The following CCDC90B variants were observed in gnomAD, a reference collection of about 807,000 sequenced individuals.
The protein encoded by CCDC90B is coiled-coil domain-containing protein 90B, mitochondrial.
A neutral mutation model predicts 37.0 loss-of-function variants in CCDC90B; 24 were observed. The ratio of observed to expected loss-of-function variants is 0.65; its 90% CI spans 0.47 to 0.91. The LOEUF is 0.91. Ranked by LOEUF, CCDC90B falls within the 40% of genes least tolerant of loss-of-function variation. The pLI is 0.00. For synonymous variants in CCDC90B, 113 were observed against 101.1 expected, an observed-to-expected ratio of 1.12 and a Z score of -0.71; for missense variants, 319 against 299.0, an observed-to-expected ratio of 1.07 and a Z score of -0.49.
chr11:83,274,007 G>A lies in CCDC90B; in HGVS notation c.427-15C>T. 1.3e-6 allele frequency: 2 copies of A among 1,524,184 alleles called. 1 individual carries two copies. Among genetic ancestry groups the A allele is most frequent in the Middle Eastern group, 3.5e-4 (2 of 5,684 alleles). The allele number at this position is 1,524,184 out of a possible 1,614,324, so 94.4% of individuals were successfully genotyped here. ...ATTTTCATTTTCTAGGTACAGGAAA[G>A]ATCACATGCAATTAGCATTAAACCA... On this transcript the variant is annotated splice_polypyrimidine_tract_variant and intron_variant, in intron 4 of 8. Coordinates refer to ENST00000529689, the MANE Select transcript of CCDC90B (RefSeq NM_021825.5).
rs1332178776 is a variant in CCDC90B at position 83,286,159 on chromosome 11, C to T, written c.-187G>A. 7 of 1,536,170 alleles carry T rather than the reference C, an allele frequency of 4.6e-6. No homozygotes were observed. The highest frequency in any genetic ancestry group is 6.1e-6 in the Non-Finnish European group (7 of 1,146,886). On this transcript the variant is annotated 5_prime_UTR_variant, in exon 1 of 9. It adds an upstream start codon to the 5' untranslated region. Coordinates refer to ENST00000529689, the MANE Select transcript of CCDC90B (RefSeq NM_021825.5). Reference sequence around the variant, plus strand: ...CTGGGTCTCTTCACAGACAGACCCACAGTTCGCGAGCATGGCTCAGCGCTG... The same window carrying T: ...CTGGGTCTCTTCACAGACAGACCCATAGTTCGCGAGCATGGCTCAGCGCTG...
chr11:83,267,517 G>A (rs1329419421), intron 7 of CCDC90B: 1 of 152,134 alleles, frequency 6.6e-6, no homozygotes, highest in East Asian at 1.9e-4. Context: ...AGGTACCAGT[G>A]ACTGAAGATC....
intron 1 of CCDC90B, chr11:83,285,635 GC>G: frequency 7.3e-7 from 1 of 1,369,064 alleles, no homozygotes; most frequent in Non-Finnish European, 9.4e-7. Context: ...CGGGCGCGAA[GC>G]CCAGGCCTTC....
At chr11:83,270,510 A>T (rs1304517561) in intron 7 of CCDC90B, among the ~76,000 whole-genome samples, 3 of 152,218 alleles carry the variant, frequency 2.0e-5, no homozygotes, top group African/African-American at 7.2e-5. Context: ...CCATTAACAG[A>T]CAAACAGAGT....
At position 83,273,788 on chromosome 11, in the gene CCDC90B, A is replaced by T. The variant is rs1472722402; in HGVS notation, c.540+5T>A. On this transcript the variant is annotated splice_donor_5th_base_variant and intron_variant, in intron 6 of 8. Transcript: ENST00000529689. ...ACCAAGAAAGTACATTTAAAAGAAC[A>T]TTACCATATCTGTTACTCTGCTCCT... 1 of 1,606,422 alleles carries T rather than the reference A, an allele frequency of 6.2e-7. No individual in the cohort carries two copies. Among genetic ancestry groups the T allele is most frequent in the Non-Finnish European group, 8.5e-7 (1 of 1,176,386 alleles).
chr11:83,275,196 C>T (rs1017524686), intron 3 of CCDC90B, among the ~76,000 whole-genome samples: 7 of 152,072 alleles, frequency 4.6e-5, no homozygotes, highest in Non-Finnish European at 7.4e-5. Context: ...GCCCTTTGTC[C>T]GCACAACATA....
intron 7 of CCDC90B, 44 bp downstream of exon 7, chr11:83,273,603 G>T: frequency 7.0e-7 from 1 of 1,424,796 alleles, no homozygotes; most frequent in Non-Finnish European, 9.6e-7. Flanking sequence ...GTTATACAAG[G>T]CACAAGAACT....
At chr11:83,272,741 A>G (rs1010759615) in intron 7 of CCDC90B, among the ~76,000 whole-genome samples, 1 of 152,230 alleles carries the variant, frequency 6.6e-6, no homozygotes, top group African/African-American at 2.4e-5. Context: ...CTTCTCTTCT[A>G]TTAAATTATG....
At chr11:83,281,811 A>T (rs1425356948) in intron 1 of CCDC90B, among the ~76,000 whole-genome samples, 1 of 152,058 alleles carries the variant, frequency 6.6e-6, no homozygotes, top group Non-Finnish European at 1.5e-5. Flanking sequence ...TTTAAATAAT[A>T]TTTTACTGTT....
intron 1 of CCDC90B, chr11:83,285,152 AAC>A: frequency 7.8e-7 from 1 of 1,275,074 alleles, no homozygotes; most frequent in Non-Finnish European, 1.0e-6. Flanking sequence ...CAAGAAGGTG[AAC>A]AGAGATAAGA....
chr11:83,270,517 G>A lies in CCDC90B; in HGVS notation c.594+3130C>T, dbSNP rs143923593. Among the ~76,000 whole-genome samples, 73 of 152,282 alleles carry A rather than the reference G, an allele frequency of 4.8e-4. 1 individual carries two copies. In the East Asian group the frequency reaches 0.014, roughly 29 times the overall value. On this transcript the variant is annotated intron_variant, in intron 7 of 8. Transcript: ENST00000529689. ...CCTATACACCATTAACAGACAAACAGAGTCAAATCATGAGTGAACTCCCAT... is the reference window on the plus strand; with the variant it reads ...CCTATACACCATTAACAGACAAACAAAGTCAAATCATGAGTGAACTCCCAT...
At position 83,278,833 on chromosome 11, in the gene CCDC90B, T is replaced by C. The variant is rs372037684; in HGVS notation, c.221-4A>G. ...TCTGCTTGTGTTTTGTCAAATCCTGTAGGCAGCAAATAGGTATTTTATTTT... is the reference window on the plus strand; with the variant it reads ...TCTGCTTGTGTTTTGTCAAATCCTGCAGGCAGCAAATAGGTATTTTATTTT... On this transcript the variant is annotated splice_region_variant and splice_polypyrimidine_tract_variant and intron_variant, in intron 2 of 8. Transcript: ENST00000529689. The C allele has an allele frequency of 6.3e-7, 1 of 1,593,946 alleles. No homozygotes were observed. The highest frequency in any genetic ancestry group is 8.6e-7 in the Non-Finnish European group (1 of 1,162,228).
rs185818476 is a variant in CCDC90B, at chr11:83,266,602, G to A, written c.595-623C>T. On this transcript the variant is annotated intron_variant, in intron 7 of 8. Coordinates refer to ENST00000529689, the MANE Select transcript of CCDC90B (RefSeq NM_021825.5). ...TGAGTAGGTAAACAAAGTGGCAGGG[G>A]AGCTTGAACTGGGCTGAGCCCACCA... Among the ~76,000 whole-genome samples the A allele has an allele frequency of 3.3e-5, 5 of 152,270 alleles. No individual in the cohort carries two copies. In the East Asian group the frequency reaches 9.7e-4, roughly 29 times the overall value.
intron 7 of CCDC90B, among the ~76,000 whole-genome samples, chr11:83,271,174 G>A (rs996433196): frequency 2.0e-5 from 3 of 152,172 alleles, no homozygotes; most frequent in African/African-American, 7.2e-5. Flanking sequence ...AAAAACCCTA[G>A]AAGAAAACTT....
At chr11:83,275,691 T>TCA (rs1272642108) in intron 3 of CCDC90B, among the ~76,000 whole-genome samples, 1 of 152,162 alleles carries the variant, frequency 6.6e-6, no homozygotes, top group Non-Finnish European at 1.5e-5. Context: ...GGACTCTGTA[T>TCA]AACAGTTTAG....
In CCDC90B at chr11:83,261,879, A is replaced by G; in HGVS notation, c.*32T>C. 1.3e-6 allele frequency: 2 copies of G among 1,534,588 alleles called. No homozygotes were observed. Among genetic ancestry groups the G allele is most frequent in the Middle Eastern group, 1.7e-4 (1 of 5,844 alleles). ...TCTCTCCCGGTTTGGTGTTCTAAGA[A>G]GCCAACAGCCACAGCAGGATGAGCA... On this transcript the variant is annotated 3_prime_UTR_variant, in exon 9 of 9. Coordinates refer to ENST00000529689, the MANE Select transcript of CCDC90B (RefSeq NM_021825.5).
At chr11:83,279,191 G>T (rs1865229176) in intron 2 of CCDC90B, among the ~76,000 whole-genome samples, 1 of 152,116 alleles carries the variant, frequency 6.6e-6, no homozygotes, top group African/African-American at 2.4e-5. Flanking sequence ...TGAGGCAGGA[G>T]AATGGTGTGA....
At position 83,261,856 on chromosome 11, in the gene CCDC90B, T is replaced by C. The variant is rs1333803918; in HGVS notation, c.*55A>G. ...CAACTGACAATGTTCAAAGTAAATC[T>C]CTCCCGGTTTGGTGTTCTAAGAAGC... On this transcript the variant is annotated 3_prime_UTR_variant, in exon 9 of 9. Coordinates refer to ENST00000529689, the MANE Select transcript of CCDC90B (RefSeq NM_021825.5). 6.3e-6 allele frequency: 8 copies of C among 1,279,586 alleles called. No homozygotes were observed. The highest frequency in any genetic ancestry group is 8.9e-6 in the Non-Finnish European group (8 of 899,234). The allele number at this position is 1,279,586 out of a possible 1,614,324, so 79.3% of individuals were successfully genotyped here.
intron 1 of CCDC90B, among the ~76,000 whole-genome samples, chr11:83,282,530 C>T (rs1346291562): frequency 1.3e-5 from 2 of 152,170 alleles, no homozygotes; most frequent in African/African-American, 4.8e-5. Context: ...GCCAATAAAT[C>T]TTTGTAGGGT....
Sources: gnomAD v4.1 joint callset for allele counts (sites outside exome capture counted in the v4.1 genomes callset) on GRCh38, gnomAD v4.1.1 for gene constraint, MANE v1.5 for transcripts, NCBI Gene and HGNC (gene_info 2026-07-23, HGNC 2026-07-21) for gene names.